The following PDZD2 variants were observed in gnomAD, a reference collection of about 807,000 sequenced individuals.
The protein encoded by PDZD2 is PDZ domain containing 2, also known as PDZ domain-containing protein 2.
PDZD2 carries 90 observed loss-of-function variants against 220.7 expected under a neutral mutation model. The observed-to-expected ratio is 0.41, with a 90% CI of 0.34 to 0.49. The LOEUF is 0.49. PDZD2 is among the 20% of genes least tolerant of loss of function. The pLI, the probability that PDZD2 is intolerant of heterozygous loss-of-function variation, is 0.28. For missense variants in PDZD2, 3,174 were observed against 3,608.5 expected (o/e 0.88, Z 3.08); for synonymous variants, 1,375 against 1,450.5 (o/e 0.95, Z 1.18).
intron 4 of PDZD2, among the ~76,000 whole-genome samples, chr5:31,997,315 T>A (rs1426155682): frequency 5.3e-5 from 8 of 152,148 alleles, no homozygotes; most frequent in Non-Finnish European, 1.2e-4. Flanking sequence ...CTGGAGATAG[T>A]CTGAAGAATG....
At chr5:31,712,451 C>CCTCTCTCTCT (rs72212182) in intron 1 of PDZD2, among the ~76,000 whole-genome samples, 5 of 131,448 alleles carry the variant, frequency 3.8e-5, no homozygotes, top group African/African-American at 1.3e-4. Context: ...GCTGGGCCTG[C>CCTCTCTCTCT]CTCTCTCTCT....
Position 32,089,306 on chromosome 5 carries a change from C to A in PDZD2, c.5858C>A (p.Ser1953Tyr), listed in dbSNP as rs1257429209. The change falls in exon 20 of 25, where the codon TCC (serine) becomes TAC (tyrosine). Residue 1953 changes from serine (S) to tyrosine (Y), a missense_variant. Physicochemically the swap from Ser to Tyr is moderately radical, Grantham distance 144. Transcript: ENST00000438447. The part of the protein sequence containing the change: ...PDRNTTAAPR[S>Y]PQCVLESKPP... ...AGAAACACCACAGCTGCCCCCAGGT[C>A]CCCCCAGTGTGTGCTGGAAAGCAAG... 3.1e-6 allele frequency: 5 copies of A among 1,613,974 alleles called. No individual in the cohort carries two copies. The highest frequency in any genetic ancestry group is 4.2e-6 in the Non-Finnish European group (5 of 1,179,940).
At position 32,071,503 on chromosome 5, in the gene PDZD2, A is replaced by G. The variant is rs1160977076; in HGVS notation, c.2568+85A>G. On this transcript the variant is annotated intron_variant, in intron 16 of 24. Coordinates refer to ENST00000438447, the MANE Select transcript of PDZD2 (RefSeq NM_178140.4). ...GCCCACAAGTCAAGCCGGAGGGCCC[A>G]GTCCCTGTTTCTGCCCATGAGTCAT... is the stretch of plus-strand genomic sequence containing the variant. The G allele has an allele frequency of 1.6e-5, 17 of 1,047,410 alleles. No individual in the cohort carries two copies. The South Asian group carries it at 2.2e-4, about 13-fold the overall frequency. 64.9% of individuals were successfully genotyped at this position (1,047,410 alleles called of 1,614,324 possible). A position where few individuals can be genotyped will look rare whatever the true frequency, so the allele number is the denominator to read the frequency against.
At chr5:32,018,514 A>T (rs184546061) in intron 6 of PDZD2, among the ~76,000 whole-genome samples, 4 of 152,362 alleles carry the variant, frequency 2.6e-5, no homozygotes, top group Admixed American at 6.5e-5. Context: ...ATGAGCACAG[A>T]CTGGCTTGCA....
At chr5:31,718,035 C>T (rs1173518802) in intron 1 of PDZD2, among the ~76,000 whole-genome samples, 1 of 152,188 alleles carries the variant, frequency 6.6e-6, no homozygotes, top group Non-Finnish European at 1.5e-5. Flanking sequence ...GTTTGACAGT[C>T]CTGTCAGCTC....
At chr5:31,753,350 T>C (rs1451947620) in intron 1 of PDZD2, among the ~76,000 whole-genome samples, 2 of 152,184 alleles carry the variant, frequency 1.3e-5, no homozygotes, top group South Asian at 2.1e-4. Context: ...CTGTGCCCCA[T>C]TCATTCATCT....
intron 2 of PDZD2, among the ~76,000 whole-genome samples, chr5:31,833,609 C>A (rs1452074443): frequency 8.2e-6 from 1 of 122,318 alleles, no homozygotes; most frequent in African/African-American, 3.2e-5. Context: ...GCACTCCAGC[C>A]TGGGCAACAA....
chr5:31,752,271 G>A (rs1751044735), intron 1 of PDZD2, among the ~76,000 whole-genome samples: 1 of 151,704 alleles, frequency 6.6e-6, no homozygotes, highest in East Asian at 1.9e-4. Flanking sequence ...TGTTGAGGCT[G>A]GGCACGGTGG....
chr5:32,042,407 CAAA>C (rs546222216), intron 7 of PDZD2, among the ~76,000 whole-genome samples: 1 of 95,440 alleles, frequency 1.0e-5, no homozygotes, highest in Non-Finnish European at 2.3e-5. Flanking sequence ...ACTAAAAATA[CAAA>C]AAAAAAAAAA....
chr5:31,806,666 T>C (rs537065920), intron 2 of PDZD2, among the ~76,000 whole-genome samples: 2 of 152,204 alleles, frequency 1.3e-5, no homozygotes, highest in Non-Finnish European at 2.9e-5. Context: ...AATGTTCTAC[T>C]TACTTGTTTG....
intron 1 of PDZD2, among the ~76,000 whole-genome samples, chr5:31,795,231 G>T (rs1753957569): frequency 6.6e-6 from 1 of 152,176 alleles, no homozygotes; most frequent in Admixed American, 6.5e-5. Flanking sequence ...GAGCATCTAA[G>T]ACTTTTTTTG....
chr5:31,896,360 G>GTA lies in PDZD2; in HGVS notation c.477-86794_477-86793insAT, dbSNP rs1223225317. On this transcript the variant is annotated intron_variant, in intron 2 of 24. Transcript: ENST00000438447. ...TGTGTGTGTGTGTGTGTGTGTGTGT[G>GTA]TGTGTGTATGTGTGTGTGTGAAATA... Among the ~76,000 whole-genome samples, 8 of 144,702 alleles carry GTA rather than the reference G, an allele frequency of 5.5e-5. No individual in the cohort carries two copies. In the East Asian group the frequency reaches 1.6e-3, roughly 28 times the overall value. The allele number at this position is 144,702 out of a possible 152,430, so 94.9% of individuals were successfully genotyped here.
intron 1 of PDZD2, among the ~76,000 whole-genome samples, chr5:31,651,898 A>G (rs1004652211): frequency 1.3e-4 from 2 of 15,500 alleles, no homozygotes; most frequent in African/African-American, 2.8e-4. Context: ...GCTCACTGGA[A>G]CTTCCACCCT....
At chr5:31,815,768 T>G (rs1465583) in intron 2 of PDZD2, among the ~76,000 whole-genome samples, 29,921 of 152,110 alleles carry the variant, frequency 0.2, 3,487 homozygotes, top group African/African-American at 0.32. Context: ...ATGAATGTAT[T>G]AAATAATCAC....
intron 1 of PDZD2, among the ~76,000 whole-genome samples, chr5:31,657,654 G>A (rs1371010587): frequency 2.0e-5 from 3 of 152,190 alleles, no homozygotes; most frequent in Non-Finnish European, 4.4e-5. Flanking sequence ...TCAGGAGCCT[G>A]TTTTAACAGC....
At chr5:31,674,862 G>A (rs1472700059) in intron 1 of PDZD2, among the ~76,000 whole-genome samples, 1 of 152,160 alleles carries the variant, frequency 6.6e-6, no homozygotes, top group Non-Finnish European at 1.5e-5. Flanking sequence ...TGTTGCCTCG[G>A]TGTTACAAAT....
intron 3 of PDZD2, among the ~76,000 whole-genome samples, chr5:31,993,437 A>G (rs1751391499): frequency 6.6e-6 from 1 of 152,232 alleles, no homozygotes; most frequent in South Asian, 2.1e-4. Context: ...TTCCCCAGAC[A>G]TTCCTATTGC....
chr5:31,704,475 G>T (rs1013394444), intron 1 of PDZD2, among the ~76,000 whole-genome samples: 10 of 152,120 alleles, frequency 6.6e-5, no homozygotes, highest in Non-Finnish European at 1.5e-4. Context: ...TTTCAGTAAG[G>T]ACCCTTCAAA....
intron 2 of PDZD2, chr5:31,923,335 A>G (rs766255260): frequency 6.1e-6 from 5 of 818,112 alleles, no homozygotes; most frequent in Non-Finnish European, 1.1e-5. Context: ...GGTTGCTGTA[A>G]GGGGTCCTCC....
Sources: allele counts gnomAD v4.1 joint callset (sites outside exome capture counted in the v4.1 genomes callset), GRCh38; gene constraint gnomAD v4.1.1; transcripts MANE v1.5; gene names NCBI Gene and HGNC (gene_info 2026-07-23, HGNC 2026-07-21).